The following EBF3 variants were observed in gnomAD, a reference collection of about 807,000 sequenced individuals.
EBF3 encodes the protein transcription factor COE3.
A neutral mutation model predicts 77.1 loss-of-function variants in EBF3; 18 were observed. The observed-to-expected ratio is 0.23, with a 90% CI of 0.16 to 0.35. The LOEUF (loss-of-function observed/expected upper bound fraction) is 0.35, where lower values mean the gene tolerates loss of function less well. Ranked by LOEUF, EBF3 falls within the 10% of genes least tolerant of loss-of-function variation. The probability of loss-of-function intolerance (pLI) is 1.00; values close to 1 mark genes in which losing one functional copy is unlikely to be tolerated. For missense variants in EBF3, 558 were observed against 860.0 expected, an observed-to-expected ratio of 0.65 and a Z score of 4.39; for synonymous variants, 350 against 343.5, an observed-to-expected ratio of 1.02 and a Z score of -0.21.
chr10:129,917,750 AG>A (rs1201308077), intron 6 of EBF3, among the ~76,000 whole-genome samples: 3 of 152,038 alleles, frequency 2.0e-5, no homozygotes, highest in African/African-American at 7.2e-5. Flanking sequence ...GTAAAGCAAA[AG>A]TATCAGGCTT....
At chr10:129,868,938 G>C (rs1007376200) in intron 8 of EBF3, among the ~76,000 whole-genome samples, 1 of 152,212 alleles carries the variant, frequency 6.6e-6, no homozygotes, top group Non-Finnish European at 1.5e-5. Flanking sequence ...CCGCAGCCCG[G>C]GCCAGGACAC....
Position 129,836,276 on chromosome 10 carries a change from A to ACAT in EBF3, c.*1664_*1666dup, listed in dbSNP as rs1311725446. 6.6e-6 allele frequency: 1 copy of ACAT among 152,606 alleles called. No homozygotes were observed. The highest frequency in any genetic ancestry group is 2.4e-5 in the African/African-American group (1 of 41,444). 9.5% of individuals were successfully genotyped at this position (152,606 alleles called of 1,614,324 possible). A position where few individuals can be genotyped will look rare whatever the true frequency, so the allele number is the denominator to read the frequency against. ...TAATGTGGCAAACATTTTAATTAAAACATCAGAAGTAAATTTTATTTTAAA... is the reference window on the plus strand; with the variant it reads ...TAATGTGGCAAACATTTTAATTAAAACATCATCAGAAGTAAATTTTATTTTAAA... On this transcript the variant is annotated 3_prime_UTR_variant, in exon 17 of 17. Transcript: ENST00000440978.
chr10:129,877,130 G>A (rs754452199), intron 7 of EBF3, among the ~76,000 whole-genome samples: 8 of 152,118 alleles, frequency 5.3e-5, no homozygotes, highest in Non-Finnish European at 1.2e-4. Flanking sequence ...CAGATCTGGA[G>A]TATTCCCAAA....
intron 4 of EBF3, among the ~76,000 whole-genome samples, chr10:129,961,761 TGA>T (rs1859540164): frequency 6.6e-6 from 1 of 151,992 alleles, no homozygotes; most frequent in African/African-American, 2.4e-5. Context: ...AGAAAAAAAA[TGA>T]ACTAATCAAG....
intron 6 of EBF3, among the ~76,000 whole-genome samples, chr10:129,921,216 C>G (rs1856278431): frequency 6.7e-6 from 1 of 150,294 alleles, no homozygotes; most frequent in Admixed American, 6.6e-5. Context: ...GGCAAGGGGT[C>G]CCTGAAGCAG....
chr10:129,935,190 G>C lies in EBF3; in HGVS notation c.554+22068C>G, dbSNP rs2134446760. Among the ~76,000 whole-genome samples, 1 of 152,264 alleles carries C rather than the reference G, an allele frequency of 6.6e-6. No individual in the cohort carries two copies. The highest frequency in any genetic ancestry group is 2.1e-4 in the South Asian group (1 of 4,822). ...CCAGCCAAATGTAGCCACATTGTGA[G>C]CTGCTTCTCACAGGGGAGATTCTTG... On this transcript the variant is annotated intron_variant, in intron 6 of 16. Transcript: ENST00000440978. The surrounding 1 kb of genome is among the most constrained non-coding windows in gnomAD (Gnocchi z 4.2).
intron 6 of EBF3, 92 bp downstream of exon 6, chr10:129,957,166 C>T: frequency 8.4e-7 from 1 of 1,185,550 alleles, no homozygotes; most frequent in Non-Finnish European, 1.2e-6. Context: ...CGACACCAGC[C>T]TCAAAAATAT....
At chr10:129,900,309 G>A (rs908669252) in intron 6 of EBF3, among the ~76,000 whole-genome samples, 7 of 152,004 alleles carry the variant, frequency 4.6e-5, no homozygotes, top group Non-Finnish European at 8.8e-5. Context: ...TTTTTTCCAG[G>A]ATAACTGAGC....
In EBF3 at chr10:129,953,784, A is replaced by T. The variant is rs539833231; in HGVS notation, c.554+3474T>A. 2.0e-5 allele frequency among the ~76,000 whole-genome samples: 3 copies of T among 152,316 alleles called. No individual in the cohort carries two copies. The East Asian group carries it at 5.8e-4, about 29-fold the overall frequency. On this transcript the variant is annotated intron_variant, in intron 6 of 16. Coordinates refer to ENST00000440978, the MANE Select transcript of EBF3 (RefSeq NM_001375380.1). The stretch of plus-strand genomic sequence containing the variant: ...CCCAAGCAAGGAGGGGGAGAAAAGG[A>T]GTATACACCTTCCTGGGCATTTCCA...
At chr10:129,937,061 C>T (rs148957141) in intron 6 of EBF3, among the ~76,000 whole-genome samples, 3 of 152,292 alleles carry the variant, frequency 2.0e-5, no homozygotes, top group Non-Finnish European at 2.9e-5. Flanking sequence ...CAGCTTCATT[C>T]GGGCCCCAAG....
intron 6 of EBF3, among the ~76,000 whole-genome samples, chr10:129,936,376 T>C (rs922367440): frequency 5.9e-5 from 9 of 152,154 alleles, no homozygotes; most frequent in African/African-American, 2.2e-4. Context: ...CTGGGGATGA[T>C]GCCAAAGGCT....
rs1858316358 is a variant in EBF3 at position 129,947,509 on chromosome 10, C to T, written c.554+9749G>A. 6.6e-6 allele frequency among the ~76,000 whole-genome samples: 1 copy of T among 152,106 alleles called. No homozygotes were observed. The highest frequency in any genetic ancestry group is 1.5e-5 in the Non-Finnish European group (1 of 68,026). Reference sequence around the variant, plus strand: ...TTATGCCACGGTGCAGTATATTTGCCTTCCCAATAATTTAATCATTTTCCT... The same window carrying T: ...TTATGCCACGGTGCAGTATATTTGCTTTCCCAATAATTTAATCATTTTCCT... On this transcript the variant is annotated intron_variant, in intron 6 of 16. Transcript: ENST00000440978. This position sits in a 1 kb window ranked among gnomAD's most constrained non-coding sequence, Gnocchi z 4.5.
chr10:129,951,770 G>A (rs994295289), intron 6 of EBF3, among the ~76,000 whole-genome samples: 1 of 152,262 alleles, frequency 6.6e-6, no homozygotes, highest in Non-Finnish European at 1.5e-5. Context: ...GTGCACACCC[G>A]CATCTCAAGC....
intron 5 of EBF3, among the ~76,000 whole-genome samples, chr10:129,958,477 A>ACCCT (rs1435659642): frequency 3.3e-5 from 5 of 152,200 alleles, no homozygotes; most frequent in African/African-American, 1.2e-4. Context: ...GCTCTAGGGA[A>ACCCT]GAGGTTAACT....
At chr10:129,898,235 C>A (rs1243993997) in intron 6 of EBF3, among the ~76,000 whole-genome samples, 1 of 152,226 alleles carries the variant, frequency 6.6e-6, no homozygotes, top group Non-Finnish European at 1.5e-5. Flanking sequence ...GTGCCTTTCA[C>A]AGAGTAAAAG....
rs934441972 is a variant in EBF3, at chr10:129,929,509, A to C, written c.554+27749T>G. Among the ~76,000 whole-genome samples the C allele has an allele frequency of 1.4e-4, 21 of 152,190 alleles. 1 individual carries two copies. The highest frequency in any genetic ancestry group is 5.1e-4 in the African/African-American group (21 of 41,440). On this transcript the variant is annotated intron_variant, in intron 6 of 16. Transcript: ENST00000440978. ...ACGTGAGCCACCATGCCCGGCCAGG[A>C]GGATGGCCTTCTTAATAATGCCTTG...
intron 11 of EBF3, 99 bp from the exon 12 acceptor site, chr10:129,843,301 C>T: frequency 7.8e-7 from 1 of 1,282,252 alleles, no homozygotes. Context: ...AGACCAGTCC[C>T]CACCCACAGC....
At chr10:129,884,646 G>A (rs1853445693) in intron 6 of EBF3, among the ~76,000 whole-genome samples, 1 of 152,216 alleles carries the variant, frequency 6.6e-6, no homozygotes, top group Admixed American at 6.5e-5. Flanking sequence ...GTGCCCAGAT[G>A]TCCTTTGTTG....
At chr10:129,936,941 C>T (rs72837184) in intron 6 of EBF3, among the ~76,000 whole-genome samples, 11,000 of 152,254 alleles carry the variant, frequency 0.072, 454 homozygotes, top group East Asian at 0.11. Context: ...AAGCTTTTGC[C>T]TCCTTGATGA....
Sources: allele counts gnomAD v4.1 joint callset (sites outside exome capture counted in the v4.1 genomes callset), GRCh38; gene constraint gnomAD v4.1.1; non-coding constraint Gnocchi (gnomAD v3.1); transcripts MANE v1.5; gene names NCBI Gene and HGNC (gene_info 2026-07-23, HGNC 2026-07-21).